The following EPS8L2 variants were observed in gnomAD, a reference collection of about 807,000 sequenced individuals.
EPS8L2 encodes EPS8 signaling adaptor L2.
EPS8L2 carries 81 observed loss-of-function variants against 99.4 expected under a neutral mutation model. The ratio of observed to expected loss-of-function variants is 0.82; its 90% CI spans 0.68 to 0.98. The LOEUF (loss-of-function observed/expected upper bound fraction) is 0.98, where lower values mean the gene tolerates loss of function less well. EPS8L2 is among the 50% of genes least tolerant of loss of function. EPS8L2 has a pLI of 0.00. For synonymous variants in EPS8L2, 509 were observed against 407.3 expected, an observed-to-expected ratio of 1.25 and a Z score of -3.01; for missense variants, 1,155 against 968.8, an observed-to-expected ratio of 1.19 and a Z score of -2.55.
chr11:717,965 C>T (rs867727488), intron 4 of EPS8L2, among the ~76,000 whole-genome samples: 19 of 151,180 alleles, frequency 1.3e-4, no homozygotes, highest in Middle Eastern at 3.5e-3. Flanking sequence ...GCCGAGATCG[C>T]GCCACTGCAC....
At chr11:712,784 G>C (rs542593678) in intron 4 of EPS8L2, among the ~76,000 whole-genome samples, 51 of 152,356 alleles carry the variant, frequency 3.3e-4, no homozygotes, top group Admixed American at 5.9e-4. Context: ...GGTGACCAGG[G>C]CCCTCCCAGC....
At chr11:707,841 G>A (rs939415288) in intron 1 of EPS8L2, among the ~76,000 whole-genome samples, 7 of 152,098 alleles carry the variant, frequency 4.6e-5, no homozygotes, top group Non-Finnish European at 8.8e-5. Context: ...TTGGTGTCTC[G>A]CCCAGGTGTG....
chr11:719,995 C>T lies in EPS8L2; in HGVS notation c.166-67C>T, dbSNP rs555847365. 776 of 1,503,382 alleles carry T rather than the reference C, an allele frequency of 5.2e-4. 4 individuals carry two copies. The highest frequency in any genetic ancestry group is 3.5e-3 in the South Asian group (274 of 78,294). 93.1% of individuals were successfully genotyped at this position (1,503,382 alleles called of 1,614,324 possible). A position where few individuals can be genotyped will look rare whatever the true frequency, so the allele number is the denominator to read the frequency against. ...GGCCCCTCAGCCCCTCAGGCTGTGG[C>T]CCCTGGGGGCTGGGCTTTCGACACA... On this transcript the variant is annotated intron_variant, in intron 4 of 20. Coordinates refer to ENST00000318562, the MANE Select transcript of EPS8L2 (RefSeq NM_022772.4).
chr11:714,800 T>C (rs947881721), intron 4 of EPS8L2, among the ~76,000 whole-genome samples: 2 of 152,022 alleles, frequency 1.3e-5, no homozygotes, highest in African/African-American at 4.8e-5. Flanking sequence ...ACTGATGTGG[T>C]AATATTGTTG....
chr11:717,452 G>T (rs1369752036), intron 4 of EPS8L2, among the ~76,000 whole-genome samples: 1 of 152,254 alleles, frequency 6.6e-6, no homozygotes, highest in Non-Finnish European at 1.5e-5. Flanking sequence ...GGTGTGTGCA[G>T]CTTTAGAGGT....
intron 20 of EPS8L2, 36 bp from the exon 21 acceptor site, chr11:726,865 C>G (rs1862345334): frequency 1.2e-6 from 2 of 1,601,172 alleles, no homozygotes; most frequent in African/African-American, 2.7e-5. Context: ...ACACGTGGGA[C>G]CCCCGGCTGA....
In EPS8L2 at chr11:725,352, A is replaced by T. The variant is rs554223293; in HGVS notation, c.1561-376A>T. Among the ~76,000 whole-genome samples the T allele has an allele frequency of 2.6e-5, 4 of 152,290 alleles. No homozygotes were observed. In the South Asian group the frequency reaches 8.3e-4, roughly 32 times the overall value. On this transcript the variant is annotated intron_variant, in intron 16 of 20. Transcript: ENST00000318562. ...ACCTCAAAACCCCATCTCTACAAAA[A>T]ACATAAAAATTATCTGGATGTGGTG...
Position 726,635 on chromosome 11 carries a change from G to C in EPS8L2, c.1951G>C (p.Gly651Arg). The change falls in exon 20 of 21, where the codon GGC becomes CGC. Residue 651 changes from glycine (G) to arginine (R), a missense_variant. Coordinates refer to ENST00000318562, the MANE Select transcript of EPS8L2 (RefSeq NM_022772.4). ...AFSPRIVENL[G>R]ILTGPQLFSL... ...CGCCCCCAGGATCGTGGAGAACCTGGGCATCCTGACCGGGCCGCAGCTCTT... is the reference window on the plus strand; with the variant it reads ...CGCCCCCAGGATCGTGGAGAACCTGCGCATCCTGACCGGGCCGCAGCTCTT... 1 of 1,554,370 alleles carries C rather than the reference G, an allele frequency of 6.4e-7. No individual in the cohort carries two copies. Among genetic ancestry groups the C allele is most frequent in the Non-Finnish European group, 8.7e-7 (1 of 1,149,448 alleles).
Position 720,224 on chromosome 11 carries a change from G to A in EPS8L2, c.327+1G>A. The A allele has an allele frequency of 1.2e-6, 2 of 1,612,910 alleles. No homozygotes were observed. Among genetic ancestry groups the A allele is most frequent in the South Asian group, 1.1e-5 (1 of 91,080 alleles). ...GCGGCTGCTGGACATCGAGTCACAG[G>A]TGGGGCCCAGCGCCACGGGGGACAG... On this transcript the variant is annotated splice_donor_variant, in intron 5 of 20. Coordinates refer to ENST00000318562, the MANE Select transcript of EPS8L2 (RefSeq NM_022772.4). LOFTEE classifies it high-confidence loss of function.
chr11:721,804 A>C (rs748522001), intron 10 of EPS8L2, 99 bp from the exon 11 acceptor site: 6 of 1,507,868 alleles, frequency 4.0e-6, no homozygotes, highest in Non-Finnish European at 4.5e-6. Flanking sequence ...ATGGAGGTGG[A>C]GGAAGGTCCA....
chr11:712,625 G>A (rs549648252), intron 4 of EPS8L2, among the ~76,000 whole-genome samples: 1 of 152,374 alleles, frequency 6.6e-6, no homozygotes, highest in East Asian at 1.9e-4. Context: ...CTGGCTGGGG[G>A]CCCAAAATGC....
intron 4 of EPS8L2, among the ~76,000 whole-genome samples, chr11:712,853 C>A (rs1276149259): frequency 6.6e-6 from 1 of 152,248 alleles, no homozygotes. Flanking sequence ...AGCTCAGTGT[C>A]CAGGGGAAGG....
chr11:717,543 C>A (rs1862052043), intron 4 of EPS8L2, among the ~76,000 whole-genome samples: 1 of 152,160 alleles, frequency 6.6e-6, no homozygotes, highest in Non-Finnish European at 1.5e-5. Context: ...ATAAGTAAAA[C>A]CCACAATGAC....
Position 722,654 on chromosome 11 carries a change from TC to T in EPS8L2, c.1209-18del. On this transcript the variant is annotated intron_variant, in intron 13 of 20. Coordinates refer to ENST00000318562, the MANE Select transcript of EPS8L2 (RefSeq NM_022772.4). ...CAGTTCTGGAGAGGCAGGGCTGACT[TC>T]AGGACCTCTCACCCCAGTTCCGAGT... The T allele has an allele frequency of 6.2e-7, 1 of 1,607,402 alleles. No individual in the cohort carries two copies. The highest frequency in any genetic ancestry group is 1.1e-5 in the South Asian group (1 of 90,376).
At chr11:723,090 C>T in intron 14 of EPS8L2, 151 bp from the exon 15 acceptor site, 3 of 573,448 alleles carry the variant, frequency 5.2e-6, no homozygotes, top group Non-Finnish European at 9.2e-6. Context: ...CCAGGAGAGG[C>T]AACCCATGCT....
At chr11:707,220 C>A (rs1861749381) in intron 1 of EPS8L2, among the ~76,000 whole-genome samples, 1 of 152,168 alleles carries the variant, frequency 6.6e-6, no homozygotes, top group Admixed American at 6.5e-5. Flanking sequence ...CGGGCCTTCT[C>A]CGCCTGCCTC....
At position 724,654 on chromosome 11, in the gene EPS8L2, C is replaced by G; in HGVS notation, c.1455-70C>G. 9.0e-7 allele frequency: 1 copy of G among 1,113,138 alleles called. No individual in the cohort carries two copies. The highest frequency in any genetic ancestry group is 1.4e-6 in the Non-Finnish European group (1 of 728,222). The allele number at this position is 1,113,138 out of a possible 1,614,324, so 69.0% of individuals were successfully genotyped here. On this transcript the variant is annotated intron_variant, in intron 15 of 20. Transcript: ENST00000318562. This position sits in a 1 kb window ranked among gnomAD's most constrained non-coding sequence, Gnocchi z 5.5. Reference sequence around the variant, plus strand: ...TCGTGCACCTGGGAAGCTGCTGCCCCCCAGCCACTGCCCAGGTCTCAGAGG... The same window carrying G: ...TCGTGCACCTGGGAAGCTGCTGCCCGCCAGCCACTGCCCAGGTCTCAGAGG...
chr11:721,621 G>A lies in EPS8L2; in HGVS notation c.825G>A (p.Lys275=). 1.3e-6 allele frequency: 2 copies of A among 1,573,328 alleles called. No homozygotes were observed. The highest frequency in any genetic ancestry group is 1.7e-6 in the Non-Finnish European group (2 of 1,165,234). The change falls in exon 10 of 21, where the codon AAG becomes AAA. Residue 275 remains lysine (K), a synonymous_variant. Transcript: ENST00000318562. ...AGTGGTTTGTGGCCCGGCTGCAGAA[G>A]GCAGCCGAGGCTTTCAAGCAGCTGA... ...DIEWFVARLQ[K]AAEAFKQLNQ...
intron 4 of EPS8L2, among the ~76,000 whole-genome samples, chr11:718,672 C>CT (rs1174895390): frequency 0.044 from 5,640 of 128,160 alleles, 247 homozygotes; most frequent in African/African-American, 0.11. Flanking sequence ...TTTTTAATTT[C>CT]TTTTTTTTTT....
Sources: gnomAD v4.1 joint callset for allele counts (sites outside exome capture counted in the v4.1 genomes callset) on GRCh38, gnomAD v4.1.1 for gene constraint, Gnocchi (gnomAD v3.1) non-coding constraint, MANE v1.5 for transcripts, NCBI Gene and HGNC (gene_info 2026-07-23, HGNC 2026-07-21) for gene names.